The following PGM5 variants were observed in gnomAD, a reference collection of about 807,000 sequenced individuals.
The protein encoded by PGM5 is phosphoglucomutase 5.
A neutral mutation model predicts 59.2 loss-of-function variants in PGM5; 23 were observed. The observed-to-expected ratio is 0.39, with a 90% CI of 0.28 to 0.55. The LOEUF (loss-of-function observed/expected upper bound fraction) is 0.55, where lower values mean the gene tolerates loss of function less well. Ranked by LOEUF, PGM5 falls within the 20% of genes least tolerant of loss-of-function variation. The pLI, the probability that PGM5 is intolerant of heterozygous loss-of-function variation, is 0.66. For missense variants in PGM5, 574 were observed against 748.3 expected, an observed-to-expected ratio of 0.77 and a Z score of 2.72; for synonymous variants, 214 against 286.0, an observed-to-expected ratio of 0.75 and a Z score of 2.54.
chr9:68,487,198 C>A (rs1564019067), intron 9 of PGM5, among the ~76,000 whole-genome samples: 1 of 151,986 alleles, frequency 6.6e-6, no homozygotes, highest in Non-Finnish European at 1.5e-5. Context: ...TTGTCACTGC[C>A]TAGATTTGTG....
chr9:68,358,103 A>G (rs1834504103), intron 1 of PGM5, among the ~76,000 whole-genome samples: 1 of 152,098 alleles, frequency 6.6e-6, no homozygotes, highest in South Asian at 2.1e-4. Flanking sequence ...AAACAGCCTG[A>G]GCTCGCAGTT....
intron 7 of PGM5, among the ~76,000 whole-genome samples, chr9:68,475,022 G>GT (rs574967179): frequency 2.6e-4 from 39 of 149,272 alleles, no homozygotes; most frequent in Non-Finnish European, 5.1e-4. Flanking sequence ...TTTATTTATT[G>GT]TTTTTTTTGA....
At chr9:68,511,188 AT>A (rs1347404111) in intron 10 of PGM5, among the ~76,000 whole-genome samples, 2 of 152,334 alleles carry the variant, frequency 1.3e-5, no homozygotes, top group East Asian at 3.9e-4. Flanking sequence ...AAAGAAATAT[AT>A]TTTGGGGTAA....
chr9:68,422,744 G>T (rs1037685464), intron 6 of PGM5, among the ~76,000 whole-genome samples: 21 of 152,258 alleles, frequency 1.4e-4, no homozygotes, highest in African/African-American at 4.1e-4. Flanking sequence ...TTTTCCCATA[G>T]GTTATTGGGA....
At chr9:68,511,545 C>CTTTTTTTTTTTTTGTTTTTTTT (rs1824749972) in intron 10 of PGM5, among the ~76,000 whole-genome samples, 1 of 62,728 alleles carries the variant, frequency 1.6e-5, no homozygotes, top group Non-Finnish European at 2.8e-5. Flanking sequence ...TTGTTTTTGC[C>CTTTTTTTTTTTTTGTTTTTTTT]TTTTTTTTTT....
chr9:68,510,611 T>A (rs1824734356), intron 10 of PGM5, among the ~76,000 whole-genome samples: 1 of 152,180 alleles, frequency 6.6e-6, no homozygotes, highest in South Asian at 2.1e-4. Context: ...TTTTGTACAA[T>A]GCCTGTGTAA....
In PGM5 at chr9:68,530,958, A is replaced by G. The variant is rs1252430806; in HGVS notation, c.*1302A>G. On this transcript the variant is annotated 3_prime_UTR_variant, in exon 11 of 11. Transcript: ENST00000396396. ...TCAAGGTTAGTGCAAGCAAGGAAACATTCCCAGTAAGGTATTTGTTTCCAT... is the reference window on the plus strand; with the variant it reads ...TCAAGGTTAGTGCAAGCAAGGAAACGTTCCCAGTAAGGTATTTGTTTCCAT... The G allele has an allele frequency of 6.6e-6, 1 of 152,248 alleles. No homozygotes were observed. Among genetic ancestry groups the G allele is most frequent in the Non-Finnish European group, 1.5e-5 (1 of 68,040 alleles). 9.4% of individuals were successfully genotyped at this position (152,248 alleles called of 1,614,324 possible). A position where few individuals can be genotyped will look rare whatever the true frequency, so the allele number is the denominator to read the frequency against.
chr9:68,465,342 A>G (rs1554685715), intron 7 of PGM5, 134 bp downstream of exon 7: 2 of 636,046 alleles, frequency 3.1e-6, no homozygotes, highest in South Asian at 2.0e-5. Context: ...GAAACCTAGT[A>G]GAGTATGTGC....
chr9:68,417,780 G>C (rs1367590012), intron 6 of PGM5, among the ~76,000 whole-genome samples: 3 of 152,172 alleles, frequency 2.0e-5, no homozygotes, highest in African/African-American at 7.2e-5. Context: ...CGGCCACCCA[G>C]ATTTCTTGGG....
At chr9:68,445,224 T>C (rs1434042270) in intron 6 of PGM5, among the ~76,000 whole-genome samples, 1 of 152,094 alleles carries the variant, frequency 6.6e-6, no homozygotes, top group East Asian at 1.9e-4. Context: ...AAAAAATCCC[T>C]TGTAAAATGC....
chr9:68,529,470 G>A (rs2132124206), intron 10 of PGM5, 97 bp from the exon 11 acceptor site: 2 of 829,548 alleles, frequency 2.4e-6, no homozygotes, highest in South Asian at 1.5e-5. Context: ...ACAGTGAATT[G>A]GAATCTGAGT....
chr9:68,375,379 T>C (rs1340922360), intron 1 of PGM5, among the ~76,000 whole-genome samples: 2 of 152,238 alleles, frequency 1.3e-5, no homozygotes, highest in Non-Finnish European at 2.9e-5. Flanking sequence ...TCCACCTGCA[T>C]ATTCTGTTCA....
intron 1 of PGM5, chr9:68,357,665 T>C: frequency 3.9e-6 from 2 of 516,116 alleles, no homozygotes; most frequent in Non-Finnish European, 6.8e-6. Flanking sequence ...CCCTGGACTC[T>C]TCTCCGACTC....
At chr9:68,417,094 C>A (rs1823045315) in intron 6 of PGM5, among the ~76,000 whole-genome samples, 1 of 152,216 alleles carries the variant, frequency 6.6e-6, no homozygotes, top group Non-Finnish European at 1.5e-5. Context: ...CTGCTAAGTT[C>A]TCCATGCTGA....
At chr9:68,383,694 CAAA>C (rs71353049) in intron 2 of PGM5, among the ~76,000 whole-genome samples, 4 of 99,404 alleles carry the variant, frequency 4.0e-5, no homozygotes, top group Non-Finnish European at 6.4e-5. Context: ...AACCTTGTTG[CAAA>C]AAAAAAAAAA....
Position 68,423,655 on chromosome 9 carries a change from G to GTC in PGM5, c.1043+31208_1043+31209dup, listed in dbSNP as rs111849049. ...TCTCTCTCTCTCTCTCTCTCTCTCT[G>GTC]TCTCTCTCTCTCTCTCTCTCTCTCT... On this transcript the variant is annotated intron_variant, in intron 6 of 10. Transcript: ENST00000396396. 4.2e-3 allele frequency among the ~76,000 whole-genome samples: 617 copies of GTC among 145,900 alleles called. 5 individuals are homozygous for GTC. Among genetic ancestry groups the GTC allele is most frequent in the East Asian group, 0.02 (100 of 4,976 alleles).
chr9:68,408,367 G>A (rs1209460635), intron 6 of PGM5, among the ~76,000 whole-genome samples: 1 of 152,188 alleles, frequency 6.6e-6, no homozygotes, highest in Non-Finnish European at 1.5e-5. Context: ...AAGCATAAAT[G>A]TCTTCTTTTG....
chr9:68,428,997 G>A (rs976705420), intron 6 of PGM5: 1 of 152,148 alleles, frequency 6.6e-6, no homozygotes, highest in Admixed American at 6.5e-5. Flanking sequence ...TAACTTTTAT[G>A]TCCTTCGCTT....
At chr9:68,426,485 G>A (rs1473676236) in intron 6 of PGM5, among the ~76,000 whole-genome samples, 1 of 152,040 alleles carries the variant, frequency 6.6e-6, no homozygotes, top group Non-Finnish European at 1.5e-5. Flanking sequence ...TAATGTTATA[G>A]TTGTGCCATA....
Sources: allele counts gnomAD v4.1 joint callset (sites outside exome capture counted in the v4.1 genomes callset), GRCh38; gene constraint gnomAD v4.1.1; transcripts MANE v1.5; gene names NCBI Gene and HGNC (gene_info 2026-07-23, HGNC 2026-07-21).